TAFA4: variants seen among roughly 807,000 people sequenced by gnomAD.
TAFA4 encodes the protein TAFA chemokine like family member 4.
Under a neutral mutation model 21.1 loss-of-function variants are expected in TAFA4, and 20 were observed. The ratio of observed to expected loss-of-function variants is 0.95; its 90% CI spans 0.67 to 1.38. TAFA4 has a LOEUF of 1.38. TAFA4 is among the 40% of genes most tolerant of loss of function. The pLI is 0.00. For missense variants in TAFA4, 211 were observed against 180.9 expected (o/e 1.17, Z -0.95); for synonymous variants, 71 against 67.4 (o/e 1.05, Z -0.26).
intron 3 of TAFA4, among the ~76,000 whole-genome samples, chr3:68,763,286 ATATATTAGAC>A (rs1702789443): frequency 6.6e-6 from 1 of 152,210 alleles, no homozygotes; most frequent in African/African-American, 2.4e-5. Flanking sequence ...ATGGAGGATG[ATATATTAGAC>A]TATATTACAT....
intron 3 of TAFA4, among the ~76,000 whole-genome samples, chr3:68,793,861 T>C (rs1703409507): frequency 6.6e-6 from 1 of 152,216 alleles, no homozygotes; most frequent in African/African-American, 2.4e-5. Context: ...GTCTATATAA[T>C]AACTCAAGAT....
chr3:68,785,737 GCTC>G (rs553401913), intron 3 of TAFA4, among the ~76,000 whole-genome samples: 94 of 152,346 alleles, frequency 6.2e-4, no homozygotes, highest in South Asian at 5.0e-3. Flanking sequence ...AGGCTGAAGG[GCTC>G]CTCAAGTGCC....
chr3:68,789,833 A>G (rs1000051329), intron 3 of TAFA4, among the ~76,000 whole-genome samples: 1 of 152,202 alleles, frequency 6.6e-6, no homozygotes, highest in African/African-American at 2.4e-5. Context: ...TTTAACACAT[A>G]CCCACACACA....
intron 3 of TAFA4, among the ~76,000 whole-genome samples, chr3:68,768,079 C>A (rs969587110): frequency 1.3e-5 from 2 of 151,876 alleles, no homozygotes; most frequent in African/African-American, 4.8e-5. Context: ...TATAAGATCC[C>A]CAAAGCACAG....
chr3:68,862,064 G>T (rs1242865232), intron 3 of TAFA4, among the ~76,000 whole-genome samples: 2 of 151,664 alleles, frequency 1.3e-5, no homozygotes, highest in Non-Finnish European at 2.9e-5. Context: ...TGGTGAACTT[G>T]AGGTTATGAC....
rs549619294 is a variant in TAFA4, at chr3:68,752,753, C to A, written c.286+110G>T. 4 of 1,388,162 alleles carry A rather than the reference C, an allele frequency of 2.9e-6. No individual in the cohort carries two copies. In the South Asian group the frequency reaches 3.6e-5, roughly 12 times the overall value. The allele number at this position is 1,388,162 out of a possible 1,614,324, so 86.0% of individuals were successfully genotyped here. ...TGTACATTTTTGGATTGACACTGAT[C>A]TCAAAGCAACCCTAGGTTTCTTTGG... On this transcript the variant is annotated intron_variant, in intron 4 of 5. Coordinates refer to ENST00000295569, the MANE Select transcript of TAFA4 (RefSeq NM_182522.5).
intron 4 of TAFA4, among the ~76,000 whole-genome samples, chr3:68,740,792 C>CTTGAAAAGG (rs1349571308): frequency 6.6e-6 from 1 of 152,138 alleles, no homozygotes; most frequent in Non-Finnish European, 1.5e-5. Context: ...TCACAGATTA[C>CTTGAAAAGG]ATTTACATCC....
chr3:68,912,463 C>A (rs1297034644), intron 1 of TAFA4, among the ~76,000 whole-genome samples: 2 of 152,182 alleles, frequency 1.3e-5, no homozygotes, highest in African/African-American at 4.8e-5. Context: ...ATGGGATGAG[C>A]CACACTATAT....
At chr3:68,862,751 G>C (rs144210016) in intron 3 of TAFA4, among the ~76,000 whole-genome samples, 5,161 of 151,828 alleles carry the variant, frequency 0.034, 130 homozygotes, top group Non-Finnish European at 0.048. Flanking sequence ...GAGATGTCTG[G>C]AAACTGACAT....
chr3:68,813,727 T>C (rs1278856014), intron 3 of TAFA4, among the ~76,000 whole-genome samples: 1 of 152,162 alleles, frequency 6.6e-6, no homozygotes, highest in Non-Finnish European at 1.5e-5. Context: ...AGCCGAATTC[T>C]ACCAGAGGTA....
chr3:68,760,477 A>G (rs1469702217), intron 3 of TAFA4, among the ~76,000 whole-genome samples: 1 of 152,178 alleles, frequency 6.6e-6, no homozygotes, highest in Non-Finnish European at 1.5e-5. Context: ...TTTCCCTTGC[A>G]TCCTTCTCCT....
intron 4 of TAFA4, among the ~76,000 whole-genome samples, chr3:68,745,046 C>T (rs1304988580): frequency 6.6e-6 from 1 of 152,178 alleles, no homozygotes; most frequent in African/African-American, 2.4e-5. Context: ...GGCAAGTGCT[C>T]TCTCAGAAAT....
At chr3:68,915,377 T>C (rs1030492604) in intron 1 of TAFA4, among the ~76,000 whole-genome samples, 1 of 152,236 alleles carries the variant, frequency 6.6e-6, no homozygotes, top group African/African-American at 2.4e-5. Flanking sequence ...GTCCTTTTTT[T>C]CTGGAATTTT....
At chr3:68,823,136 G>A (rs1208173425) in intron 3 of TAFA4, among the ~76,000 whole-genome samples, 1 of 152,096 alleles carries the variant, frequency 6.6e-6, no homozygotes, top group Admixed American at 6.5e-5. Flanking sequence ...CCCCTGCCCA[G>A]GATTCAAACC....
intron 3 of TAFA4, among the ~76,000 whole-genome samples, chr3:68,876,115 C>T (rs2089547119): frequency 6.6e-6 from 1 of 152,106 alleles, no homozygotes; most frequent in Non-Finnish European, 1.5e-5. Context: ...AGGCTCTAAC[C>T]ACATGTGACT....
chr3:68,867,840 T>C (rs555861227), intron 3 of TAFA4, among the ~76,000 whole-genome samples: 1 of 151,888 alleles, frequency 6.6e-6, no homozygotes, highest in African/African-American at 2.4e-5. Flanking sequence ...AAACCTATAA[T>C]AGATACAATA....
intron 1 of TAFA4, among the ~76,000 whole-genome samples, chr3:68,905,085 T>G (rs1249464128): frequency 6.6e-6 from 1 of 151,226 alleles, no homozygotes; most frequent in African/African-American, 2.4e-5. Context: ...GAGCCCCAAC[T>G]ATGTGCTACA....
At chr3:68,818,208 A>T (rs1704031185) in intron 3 of TAFA4, among the ~76,000 whole-genome samples, 2 of 152,112 alleles carry the variant, frequency 1.3e-5, no homozygotes, top group African/African-American at 4.8e-5. Flanking sequence ...TTAATCCTCA[A>T]ACCTCTGCTA....
At chr3:68,875,225 C>G (rs12491917) in intron 3 of TAFA4, among the ~76,000 whole-genome samples, 28,021 of 151,560 alleles carry the variant, frequency 0.18, 3,937 homozygotes, top group East Asian at 0.67. Context: ...AGTCAAACTT[C>G]CAGTTTTTTT....
Sources: allele counts gnomAD v4.1 joint callset (sites outside exome capture counted in the v4.1 genomes callset), GRCh38; gene constraint gnomAD v4.1.1; transcripts MANE v1.5; gene names NCBI Gene and HGNC (gene_info 2026-07-23, HGNC 2026-07-21).